SLC6A13: variants seen among roughly 807,000 people sequenced by gnomAD.
SLC6A13 encodes the protein sodium- and chloride-dependent GABA transporter 2.
SLC6A13 carries 69 observed loss-of-function variants against 72.9 expected under a neutral mutation model. The observed-to-expected ratio is 0.95, with a 90% CI of 0.78 to 1.16. The LOEUF is 1.16. Among genes scored for constraint, SLC6A13 ranks in the 50% most tolerant of loss-of-function variants. The pLI is 0.00. For synonymous variants in SLC6A13, 303 were observed against 303.0 expected (o/e 1.00, Z 0.00); for missense variants, 735 against 760.5 (o/e 0.97, Z 0.39).
chr12:235,081 G>T lies in SLC6A13; in HGVS notation c.831+9C>A, dbSNP rs910192602. The T allele has an allele frequency of 2.5e-6, 4 of 1,614,070 alleles. No homozygotes were observed. The highest frequency in any genetic ancestry group is 3.3e-5 in the Admixed American group (2 of 60,010). On this transcript the variant is annotated intron_variant, in intron 7 of 14. Transcript: ENST00000343164. ...AGTCACGTGAGGGCTCCTGTCTGTG[G>T]CTTCTTACCTGGGGATCCCACAGAC...
At chr12:231,626 C>T (rs1042852718) in intron 7 of SLC6A13, among the ~76,000 whole-genome samples, 2 of 152,306 alleles carry the variant, frequency 1.3e-5, no homozygotes, top group Admixed American at 1.3e-4. Flanking sequence ...ACTTGGAACA[C>T]AGATGCTCCC....
In SLC6A13 at chr12:220,807, A is replaced by G. The variant is rs951525763; in HGVS notation, c.*141T>C. 12 of 1,011,178 alleles carry G rather than the reference A, an allele frequency of 1.2e-5. No homozygotes were observed. Among genetic ancestry groups the G allele is most frequent in the East Asian group, 5.4e-5 (2 of 37,042 alleles). 62.6% of individuals were successfully genotyped at this position (1,011,178 alleles called of 1,614,324 possible). On this transcript the variant is annotated 3_prime_UTR_variant, in exon 15 of 15. Transcript: ENST00000343164. ...AGTTGCAGTGGGAGGCCTCCAGCTC[A>G]GCAGGTGGACTCCAAAATACCCCTC...
At chr12:256,457 C>G (rs1220954247) in intron 2 of SLC6A13, 1 of 152,154 alleles carries the variant, frequency 6.6e-6, no homozygotes, top group Non-Finnish European at 1.5e-5. Flanking sequence ...TGGAGGCGGG[C>G]ATCCCTCTCA....
At chr12:238,491 T>C (rs1489359753) in intron 4 of SLC6A13, 1 of 434,870 alleles carries the variant, frequency 2.3e-6, no homozygotes, top group Non-Finnish European at 4.4e-6. Flanking sequence ...GCTTCGCTCG[T>C]CTCTAAAATG....
intron 7 of SLC6A13, 100 bp from the exon 8 acceptor site, chr12:227,768 G>T: frequency 9.9e-7 from 1 of 1,007,776 alleles, no homozygotes; most frequent in Non-Finnish European, 1.5e-6. Flanking sequence ...CACTGGCTAG[G>T]GATGGCGAGA....
intron 13 of SLC6A13, among the ~76,000 whole-genome samples, chr12:222,254 G>T (rs962691907): frequency 1.2e-4 from 19 of 152,188 alleles, no homozygotes; most frequent in African/African-American, 4.6e-4. Flanking sequence ...GCAGCCCAAG[G>T]CACCCGGGTT....
chr12:258,933 T>G (rs1230767242), intron 2 of SLC6A13: 1 of 985,504 alleles, frequency 1.0e-6, no homozygotes, highest in African/African-American at 1.7e-5. Flanking sequence ...GCCAGCAAAG[T>G]AGGAAAAAGA....
In SLC6A13 at chr12:224,109, C is replaced by T. The variant is rs755186045; in HGVS notation, c.1194G>A (p.Leu398=). The change falls in exon 11 of 15, where the codon CTG becomes CTA. Residue 398 remains leucine, a synonymous_variant. Transcript: ENST00000343164. ...GGTACATGTCCACCAGCGCTGTCACCAGGCTTTCTACACACACAAACTGGA... is the reference window on the plus strand; with the variant it reads ...GGTACATGTCCACCAGCGCTGTCACTAGGCTTTCTACACACACAAACTGGA... ...LDSQFVCVES[L]VTALVDMYPH... is the part of the protein sequence containing the mutation. The T allele has an allele frequency of 6.2e-7, 1 of 1,614,054 alleles. No individual in the cohort carries two copies. Among genetic ancestry groups the T allele is most frequent in the African/African-American group, 1.3e-5 (1 of 74,912 alleles).
intron 9 of SLC6A13, 148 bp from the exon 10 acceptor site, chr12:224,661 T>A: frequency 1.6e-6 from 1 of 631,216 alleles, no homozygotes; most frequent in Non-Finnish European, 2.8e-6. Context: ...CGTCCTCACC[T>A]AGGAGAAGCC....
At chr12:237,862 ACTC>A (rs1941996232) in intron 5 of SLC6A13, 61 bp downstream of exon 5, 8 of 1,217,472 alleles carry the variant, frequency 6.6e-6, no homozygotes, top group Non-Finnish European at 9.8e-6. Context: ...CTTGGTGTGT[ACTC>A]CTCCCCATAC....
At chr12:238,731 A>G (rs948924192) in intron 4 of SLC6A13, among the ~76,000 whole-genome samples, 1 of 152,176 alleles carries the variant, frequency 6.6e-6, no homozygotes, top group Admixed American at 6.5e-5. Context: ...AATGGCCTGT[A>G]TCTGCTCATG....
intron 4 of SLC6A13, chr12:238,326 C>G (rs1942019604): frequency 7.4e-7 from 1 of 1,354,678 alleles, no homozygotes; most frequent in African/African-American, 1.5e-5. Flanking sequence ...ATGTAAGCGT[C>G]CTGTGCAAAG....
chr12:226,627 C>T (rs1005060673), intron 8 of SLC6A13, 113 bp from the exon 9 acceptor site: 13 of 1,334,002 alleles, frequency 9.7e-6, no homozygotes, highest in Admixed American at 2.7e-5. Context: ...GTCCTGGCCC[C>T]TTCACGGACG....
intron 1 of SLC6A13, 130 bp from the exon 2 acceptor site, chr12:260,187 A>G: frequency 1.1e-6 from 1 of 942,652 alleles, no homozygotes; most frequent in East Asian, 2.5e-5. Flanking sequence ...CCTTCCCTGT[A>G]GACCATGTCC....
At chr12:223,613 C>CCA in intron 11 of SLC6A13, 1 of 323,538 alleles carries the variant, frequency 3.1e-6, no homozygotes. Flanking sequence ...CCTTGAGATG[C>CCA]CACAGAATGT....
chr12:224,570 G>T lies in SLC6A13; in HGVS notation c.1061-57C>A, dbSNP rs1210878834. 7 of 1,417,004 alleles carry T rather than the reference G, an allele frequency of 4.9e-6. No homozygotes were observed. In the Admixed American group the frequency reaches 8.7e-5, roughly 18 times the overall value. The allele number at this position is 1,417,004 out of a possible 1,614,324, so 87.8% of individuals were successfully genotyped here. Reference sequence around the variant, plus strand: ...TGCCCGGGCCAGCTCCAGGCTGTGGGTGACCCATGGCTTCCCAGCGTGGGG... The same window carrying T: ...TGCCCGGGCCAGCTCCAGGCTGTGGTTGACCCATGGCTTCCCAGCGTGGGG... On this transcript the variant is annotated intron_variant, in intron 9 of 14. Transcript: ENST00000343164.
rs574443285 is a variant in SLC6A13, at chr12:230,456, C to A, written c.832-2788G>T. Among the ~76,000 whole-genome samples the A allele has an allele frequency of 4.0e-5, 6 of 151,784 alleles. 1 individual carries two copies. Among genetic ancestry groups the A allele is most frequent in the Admixed American group, 2.0e-4 (3 of 15,232 alleles). ...CTGACCTTATTAATTACTGGCTGTG[C>A]GATCTTAGGCAAGTCACTTAACCTC... On this transcript the variant is annotated intron_variant, in intron 7 of 14. Coordinates refer to ENST00000343164, the MANE Select transcript of SLC6A13 (RefSeq NM_016615.5).
Position 243,813 on chromosome 12 carries a change from C to A in SLC6A13, c.203G>T (p.Gly68Val). The A allele has an allele frequency of 6.2e-7, 1 of 1,613,578 alleles. No individual in the cohort carries two copies. The highest frequency in any genetic ancestry group is 8.5e-7 in the Non-Finnish European group (1 of 1,179,774). Residue 68 changes from glycine (G) to valine (V), a missense_variant and splice_region_variant, in exon 3 of 15, where the codon GGT becomes GTT. Gly to Val is a moderately radical substitution (Grantham distance 109, BLOSUM62 -3). Coordinates refer to ENST00000343164, the MANE Select transcript of SLC6A13 (RefSeq NM_016615.5). Reference sequence around the variant, plus strand: ...GACGAGGTAGGGGATGAAGAAGGCACCTGTGGTTAGAAAACAGGCTGTTCA... The same window carrying A: ...GACGAGGTAGGGGATGAAGAAGGCAACTGTGGTTAGAAAACAGGCTGTTCA... Reference protein sequence around the residue: ...FPYLCYKNGGGAFFIPYLVFL... With the variant: ...FPYLCYKNGGVAFFIPYLVFL...
chr12:237,860 G>T, intron 5 of SLC6A13, 66 bp downstream of exon 5: 1 of 1,206,976 alleles, frequency 8.3e-7, no homozygotes, highest in Non-Finnish European at 1.2e-6. Context: ...ACCTTGGTGT[G>T]TACTCCTCCC....
Sources: gnomAD v4.1 joint callset for allele counts (sites outside exome capture counted in the v4.1 genomes callset) on GRCh38, gnomAD v4.1.1 for gene constraint, MANE v1.5 for transcripts, NCBI Gene and HGNC (gene_info 2026-07-23, HGNC 2026-07-21) for gene names.